MEF2C: variants seen among roughly 807,000 people sequenced by gnomAD.
The protein encoded by MEF2C is myocyte-specific enhancer factor 2C.
In MEF2C, 6 loss-of-function variants were observed where a neutral mutation model predicts 50.5. The ratio of observed to expected loss-of-function variants is 0.12; its 90% CI spans 0.07 to 0.23. The LOEUF (loss-of-function observed/expected upper bound fraction) is 0.23. Among genes scored for constraint, MEF2C ranks in the 10% least tolerant of loss-of-function variants. The pLI, the probability that MEF2C is intolerant of heterozygous loss-of-function variation, is 1.00. For missense variants in MEF2C, 276 were observed against 605.0 expected, an observed-to-expected ratio of 0.46 and a Z score of 5.70; for synonymous variants, 183 against 228.0, an observed-to-expected ratio of 0.80 and a Z score of 1.78.
intron 6 of MEF2C, chr5:88,734,576 T>C: frequency 1.2e-6 from 1 of 856,638 alleles, no homozygotes; most frequent in Non-Finnish European, 1.4e-6. Context: ...TTTTTTTTTT[T>C]TTTTTTTTTT....
At chr5:88,780,184 A>C (rs1787211607) in intron 3 of MEF2C, among the ~76,000 whole-genome samples, 1 of 152,070 alleles carries the variant, frequency 6.6e-6, no homozygotes, top group Admixed American at 6.5e-5. Context: ...AAAACGAAAA[A>C]CTACAGTTTT....
At chr5:88,852,069 A>G (rs1293610178) in intron 1 of MEF2C, among the ~76,000 whole-genome samples, 4 of 152,328 alleles carry the variant, frequency 2.6e-5, no homozygotes, top group Middle Eastern at 6.8e-3. Flanking sequence ...TACATTCCTA[A>G]GCACTATAGT....
intron 1 of MEF2C, among the ~76,000 whole-genome samples, chr5:88,864,025 T>C (rs575955697): frequency 6.6e-6 from 1 of 152,170 alleles, no homozygotes; most frequent in Non-Finnish European, 1.5e-5. Flanking sequence ...TTTCACCATG[T>C]TGGCCAGGCT....
At chr5:88,867,115 T>C (rs1827655680) in intron 1 of MEF2C, among the ~76,000 whole-genome samples, 1 of 152,208 alleles carries the variant, frequency 6.6e-6, no homozygotes, top group Non-Finnish European at 1.5e-5. Flanking sequence ...GTTGATAATA[T>C]ATGTTTTTCT....
intron 1 of MEF2C, among the ~76,000 whole-genome samples, chr5:88,879,056 TTATTA>T (rs1251094180): frequency 5.9e-5 from 9 of 152,018 alleles, no homozygotes; most frequent in Non-Finnish European, 1.0e-4. Context: ...ATTTTCTATC[TTATTA>T]TAATAGTGCA....
chr5:88,855,495 T>A (rs1229967114), intron 1 of MEF2C, among the ~76,000 whole-genome samples: 1 of 152,236 alleles, frequency 6.6e-6, no homozygotes, highest in Non-Finnish European at 1.5e-5. Flanking sequence ...ATGCTTTTCA[T>A]GTTGCATGAT....
At chr5:88,848,372 T>C (rs1820071187) in intron 1 of MEF2C, among the ~76,000 whole-genome samples, 1 of 152,232 alleles carries the variant, frequency 6.6e-6, no homozygotes, top group African/African-American at 2.4e-5. Context: ...TCTTATTTTA[T>C]AGAATATTGG....
At chr5:88,898,318 CTTAA>C (rs1167514443) in intron 1 of MEF2C, among the ~76,000 whole-genome samples, 38 of 152,244 alleles carry the variant, frequency 2.5e-4, no homozygotes, top group African/African-American at 8.7e-4. Flanking sequence ...TTCATCTTTA[CTTAA>C]TTGAGGGATA....
chr5:88,783,473 AC>A (rs1042942823), intron 3 of MEF2C, among the ~76,000 whole-genome samples: 27 of 152,026 alleles, frequency 1.8e-4, no homozygotes, highest in Non-Finnish European at 2.4e-4. Context: ...TACTAAAAAT[AC>A]AAAAAAAATT....
Position 88,731,841 on chromosome 5 carries a change from T to A in MEF2C, c.698A>T (p.Asn233Ile). ...AGGAGATTTTGCTTGCATATTCTTG[T>A]TCAAGTTACCAGGTGAGACCAGCAG... The part of the protein sequence containing the change: ...PGLLVSPGNL[N>I]KNMQAKSPPP... Residue 233 changes from asparagine (N) to isoleucine (I), a missense_variant, in exon 7 of 11, where the codon AAC (asparagine) becomes ATC (isoleucine). Physicochemically the swap from Asn to Ile is moderately radical, Grantham distance 149. This residue lies in a region of MEF2C where 256 missense variants were observed against 468.1 expected (regional missense o/e 0.55). Coordinates refer to ENST00000504921, the MANE Select transcript of MEF2C (RefSeq NM_002397.5). The A allele has an allele frequency of 6.2e-7, 1 of 1,613,336 alleles. No individual in the cohort carries two copies. Among genetic ancestry groups the A allele is most frequent in the Non-Finnish European group, 8.5e-7 (1 of 1,179,522 alleles).
chr5:88,871,791 T>C (rs1829588365), intron 1 of MEF2C, among the ~76,000 whole-genome samples: 2 of 152,102 alleles, frequency 1.3e-5, no homozygotes, highest in Admixed American at 6.6e-5. Context: ...TTCTATACTT[T>C]ATGTTTTTTT....
intron 6 of MEF2C, chr5:88,737,969 G>T: frequency 1.0e-6 from 1 of 985,342 alleles, no homozygotes; most frequent in South Asian, 4.7e-5. Context: ...GACAAAAGGG[G>T]GTTGGACTGC....
At chr5:88,870,862 TG>T (rs1480064726) in intron 1 of MEF2C, among the ~76,000 whole-genome samples, 4 of 152,044 alleles carry the variant, frequency 2.6e-5, no homozygotes, top group East Asian at 3.9e-4. Flanking sequence ...TTTAAATATC[TG>T]GGGTAAGTTT....
intron 1 of MEF2C, among the ~76,000 whole-genome samples, chr5:88,834,941 C>A (rs1173498918): frequency 6.6e-6 from 1 of 152,148 alleles, no homozygotes; most frequent in Non-Finnish European, 1.5e-5. Flanking sequence ...TGTAAACTTG[C>A]TTCCTTCACT....
chr5:88,894,447 T>A (rs1046263878), intron 1 of MEF2C, among the ~76,000 whole-genome samples: 1 of 152,230 alleles, frequency 6.6e-6, no homozygotes, highest in African/African-American at 2.4e-5. Flanking sequence ...GTAGACACTT[T>A]AGAAGACTAT....
At position 88,722,641 on chromosome 5, in the gene MEF2C, A is replaced by T; in HGVS notation, c.1385T>A (p.Val462Asp). 6.2e-7 allele frequency: 1 copy of T among 1,613,002 alleles called. No individual in the cohort carries two copies. Reference sequence around the variant, plus strand: ...TCCTTCAGAAAGTCGCATGCGCTTGACTGAGGGACTTTCCCTTTCGTCCGG... The same window carrying T: ...TCCTTCAGAAAGTCGCATGCGCTTGTCTGAGGGACTTTCCCTTTCGTCCGG... ...PSPDERESPS[V>D]KRMRLSEGWA... The change falls in exon 11 of 11, where the codon GTC becomes GAC. Residue 462 changes from valine to aspartate, a missense_variant. Val to Asp is a radical substitution (Grantham distance 152, BLOSUM62 -3). Coordinates refer to ENST00000504921, the MANE Select transcript of MEF2C (RefSeq NM_002397.5).
At chr5:88,737,088 T>G (rs775233535) in intron 6 of MEF2C, 2 of 984,864 alleles carry the variant, frequency 2.0e-6, no homozygotes, top group Non-Finnish European at 2.4e-6. Flanking sequence ...GCTAGAAAAA[T>G]TAAGAATTAT....
At chr5:88,802,023 G>A (rs1412671012) in intron 3 of MEF2C, among the ~76,000 whole-genome samples, 2 of 152,142 alleles carry the variant, frequency 1.3e-5, no homozygotes, top group East Asian at 1.9e-4. Context: ...TGAACAGGAC[G>A]GACCCACAAT....
intron 10 of MEF2C, among the ~76,000 whole-genome samples, chr5:88,725,101 G>T (rs1228486100): frequency 1.3e-5 from 2 of 152,046 alleles, no homozygotes; most frequent in Non-Finnish European, 2.9e-5. Flanking sequence ...CTTTAATACA[G>T]TTTTTGGAAG....
Sources: allele counts gnomAD v4.1 joint callset (sites outside exome capture counted in the v4.1 genomes callset), GRCh38; gene constraint gnomAD v4.1.1; regional missense constraint gnomAD v4.1.1; transcripts MANE v1.5; gene names NCBI Gene and HGNC (gene_info 2026-07-23, HGNC 2026-07-21).